Variants in FAM161A observed in about 807,000 individuals in gnomAD.
The protein encoded by FAM161A is FAM161 centrosomal protein A, also known as protein FAM161A.
FAM161A carries 57 observed loss-of-function variants against 70.9 expected under a neutral mutation model. The ratio of observed to expected loss-of-function variants is 0.80; its 90% CI spans 0.65 to 1.00. The LOEUF (loss-of-function observed/expected upper bound fraction) is 1.00, where lower values mean the gene tolerates loss of function less well. Ranked by LOEUF, FAM161A falls within the 50% of genes least tolerant of loss-of-function variation. FAM161A has a pLI of 0.00. For missense variants in FAM161A, 880 were observed against 836.0 expected, an observed-to-expected ratio of 1.05 and a Z score of -0.65; for synonymous variants, 299 against 295.7, an observed-to-expected ratio of 1.01 and a Z score of -0.12.
At chr2:61,817,821 G>A in the FAM161A span, among the ~76,000 whole-genome samples, 1 of 151,888 alleles carries the variant, frequency 6.6e-6, no homozygotes, top group African/African-American at 2.4e-5. Context: ...TTAAAAATTA[G>A]CAGGTGCGGT....
the FAM161A span, among the ~76,000 whole-genome samples, chr2:61,806,555 A>C: frequency 6.6e-6 from 1 of 152,148 alleles, no homozygotes; most frequent in Non-Finnish European, 1.5e-5. Context: ...TAGTTTTCAC[A>C]CAGATGAAAC....
chr2:61,838,659 T>C lies in FAM161A; in HGVS notation c.1630A>G (p.Ile544Val). 6.2e-7 allele frequency: 1 copy of C among 1,610,018 alleles called. No homozygotes were observed. The change falls in exon 4 of 7, where the codon ATC becomes GTC. Residue 544 changes from isoleucine to valine, a missense_variant. Physicochemically the swap from Ile to Val is conservative, Grantham distance 29 (BLOSUM62 3). Coordinates refer to ENST00000404929, the MANE Select transcript of FAM161A (RefSeq NM_001201543.2). ...ATTCTTTGCTTCTGTTTAGTTAGGA[T>C]CCGATTTCTCTCTTCTTCCAACATT... ...KKMLEEERNR[I>V]LTKQKQRMKE...
chr2:61,843,272 C>T (rs568461379), intron 1 of FAM161A, among the ~76,000 whole-genome samples: 2 of 152,212 alleles, frequency 1.3e-5, no homozygotes, highest in Non-Finnish European at 1.5e-5. Flanking sequence ...GGATTACAGG[C>T]GCACACCACC....
At chr2:61,811,204 T>C in the FAM161A span, among the ~76,000 whole-genome samples, 1 of 152,122 alleles carries the variant, frequency 6.6e-6, no homozygotes, top group Non-Finnish European at 1.5e-5. Flanking sequence ...CATCTATTTA[T>C]TATTTTTTTA....
chr2:61,827,287 A>C (rs1429817306), intron 5 of FAM161A, 29 bp from the exon 6 acceptor site: 3 of 1,608,644 alleles, frequency 1.9e-6, no homozygotes, highest in Non-Finnish European at 2.5e-6. Flanking sequence ...TTTTTAGACG[A>C]GAACAGAAGA....
At chr2:61,814,130 A>G in the FAM161A span, among the ~76,000 whole-genome samples, 1 of 152,120 alleles carries the variant, frequency 6.6e-6, no homozygotes, top group East Asian at 1.9e-4. Context: ...TGAGACAAGG[A>G]GCATGAGGTT....
downstream of FAM161A, chr2:61,820,573 A>T: frequency 1.4e-6 from 1 of 734,804 alleles, no homozygotes; most frequent in Non-Finnish European, 2.5e-6. Context: ...AGACAGTAGG[A>T]TAAATGTGAA....
intron 6 of FAM161A, 89 bp downstream of exon 6, chr2:61,827,015 A>G: frequency 7.8e-7 from 1 of 1,286,946 alleles, no homozygotes; most frequent in South Asian, 1.2e-5. Flanking sequence ...ACAATATAGA[A>G]CAAAAAATAT....
At chr2:61,844,737 G>A (rs982530674) in intron 1 of FAM161A, among the ~76,000 whole-genome samples, 1 of 152,088 alleles carries the variant, frequency 6.6e-6, no homozygotes, top group Admixed American at 6.6e-5. Context: ...CTACCTTTGA[G>A]AAGTTTCCAG....
Position 61,840,313 on chromosome 2 carries a change from CT to C in FAM161A, c.690del (p.Glu231AsnfsTer14), listed in dbSNP as rs771687855. 3.7e-6 allele frequency: 6 copies of C among 1,614,074 alleles called. No homozygotes were observed. The South Asian group carries it at 6.6e-5, about 18-fold the overall frequency. ...GGTACTGTAATTGTGGGCACCCATTCTTTTCGTTTCTTCCTTCTTTTTTCAG... is the reference window on the plus strand; with the variant it reads ...GGTACTGTAATTGTGGGCACCCATTCTTTCGTTTCTTCCTTCTTTTTTCAG... ...HAAEKRRKKR[K>X]EWVPTITVPE... is the part of the protein sequence containing the mutation. On this transcript the variant is annotated frameshift_variant, in exon 3 of 7. Coordinates refer to ENST00000404929, the MANE Select transcript of FAM161A (RefSeq NM_001201543.2). LOFTEE classifies it high-confidence loss of function.
Position 61,826,434 on chromosome 2 carries a change from T to C in FAM161A, c.*21A>G, listed in dbSNP as rs769265045. ...GACGCTGCAAACAACAGCAAGGGCA[T>C]AGAGAGGAGACCTTGATGATTCAGT... On this transcript the variant is annotated 3_prime_UTR_variant, in exon 7 of 7. Coordinates refer to ENST00000404929, the MANE Select transcript of FAM161A (RefSeq NM_001201543.2). The C allele has an allele frequency of 8.7e-6, 14 of 1,611,096 alleles. No individual in the cohort carries two copies. The highest frequency in any genetic ancestry group is 1.3e-5 in the African/African-American group (1 of 74,886).
the FAM161A span, among the ~76,000 whole-genome samples, chr2:61,803,783 C>T: frequency 6.6e-6 from 1 of 152,084 alleles, no homozygotes; most frequent in African/African-American, 2.4e-5. Context: ...CATTGTACTC[C>T]AGCCTGGGCA....
the FAM161A span, among the ~76,000 whole-genome samples, chr2:61,800,528 T>C: frequency 6.6e-6 from 1 of 152,066 alleles, no homozygotes; most frequent in Non-Finnish European, 1.5e-5. Flanking sequence ...ATCGTGTCCA[T>C]GAGTCAGGCA....
At chr2:61,833,815 A>C (rs1672673363) in intron 5 of FAM161A, among the ~76,000 whole-genome samples, 1 of 152,132 alleles carries the variant, frequency 6.6e-6, no homozygotes, top group Non-Finnish European at 1.5e-5. Context: ...GGATCACTTG[A>C]GGCCAGGAGT....
At chr2:61,801,561 T>A in the FAM161A span, among the ~76,000 whole-genome samples, 1 of 141,204 alleles carries the variant, frequency 7.1e-6, no homozygotes, top group East Asian at 2.0e-4. Context: ...GTTTTTTGGT[T>A]TTTTTGGTTT....
chr2:61,829,881 A>C (rs563252618), intron 5 of FAM161A, among the ~76,000 whole-genome samples: 1 of 152,296 alleles, frequency 6.6e-6, no homozygotes, highest in South Asian at 2.1e-4. Flanking sequence ...AACTCCTATA[A>C]ATGGGCAAAG....
At chr2:61,844,383 T>G (rs6707888) in intron 1 of FAM161A, among the ~76,000 whole-genome samples, 149,020 of 152,250 alleles carry the variant, frequency 0.98, 72,939 homozygotes, top group East Asian at 1. Flanking sequence ...GCTGCTAAAA[T>G]GTACGTCAGA....
the FAM161A span, among the ~76,000 whole-genome samples, chr2:61,800,265 T>C: frequency 2.0e-5 from 3 of 152,148 alleles, no homozygotes; most frequent in Non-Finnish European, 4.4e-5. Context: ...TTATTGGAGC[T>C]GTACAAAAGG....
rs747841140 is a variant in FAM161A at position 61,849,970 on chromosome 2, GGGGAGGGA to G, written c.183+3881_183+3888del. 2.6e-5 allele frequency among the ~76,000 whole-genome samples: 4 copies of G among 151,650 alleles called. 1 individual carries two copies. Among genetic ancestry groups the G allele is most frequent in the African/African-American group, 9.7e-5 (4 of 41,364 alleles). ...CAGACACTGCGGGCTACCACCAGGTGGGGAGGGAGGGAGGGAGGGAGGGCGGCGTAGGT... is the reference window on the plus strand; with the variant it reads ...CAGACACTGCGGGCTACCACCAGGTGGGGAGGGAGGGAGGGCGGCGTAGGT... On this transcript the variant is annotated intron_variant, in intron 1 of 6. Coordinates refer to ENST00000404929, the MANE Select transcript of FAM161A (RefSeq NM_001201543.2).
Sources: gnomAD v4.1 joint callset for allele counts (sites outside exome capture counted in the v4.1 genomes callset) on GRCh38, gnomAD v4.1.1 for gene constraint, MANE v1.5 for transcripts, NCBI Gene and HGNC (gene_info 2026-07-23, HGNC 2026-07-21) for gene names.